Variants in MYBBP1A observed in about 807,000 individuals in gnomAD.
MYBBP1A encodes MYB binding protein 1a.
MYBBP1A carries 147 observed loss-of-function variants against 136.3 expected under a neutral mutation model. That is an observed-to-expected ratio of 1.08 (90% CI 0.94 to 1.24). The LOEUF is 1.24. MYBBP1A is among the 50% of genes most tolerant of loss of function. The pLI, the probability that MYBBP1A is intolerant of heterozygous loss-of-function variation, is 0.00. For synonymous variants in MYBBP1A, 947 were observed against 735.8 expected, an observed-to-expected ratio of 1.29 and a Z score of -4.65; for missense variants, 2,060 against 1,727.4, an observed-to-expected ratio of 1.19 and a Z score of -3.41.
Position 4,552,694 on chromosome 17 carries a change from T to C in MYBBP1A, c.562-68A>G. ...TGAGCCTGGTGGATCCTGTTCTACC[T>C]GCTCCTGACACGGGGCCACCTGGTG... is the stretch of plus-strand genomic sequence containing the variant. On this transcript the variant is annotated intron_variant, in intron 5 of 25. Coordinates refer to ENST00000254718, the MANE Select transcript of MYBBP1A (RefSeq NM_014520.4). The surrounding 1 kb of genome is among the most constrained non-coding windows in gnomAD (Gnocchi z 4.7). 6.8e-7 allele frequency: 1 copy of C among 1,473,350 alleles called. No homozygotes were observed. The highest frequency in any genetic ancestry group is 9.3e-7 in the Non-Finnish European group (1 of 1,078,832). The allele number at this position is 1,473,350 out of a possible 1,614,324, so 91.3% of individuals were successfully genotyped here. A position where few individuals can be genotyped will look rare whatever the true frequency, so the allele number is the denominator to read the frequency against.
intron 13 of MYBBP1A, 35 bp from the exon 14 acceptor site, chr17:4,545,977 C>T (rs779813964): frequency 1.9e-6 from 3 of 1,584,546 alleles, no homozygotes; most frequent in Non-Finnish European, 2.6e-6. Flanking sequence ...TGGGGCCAGG[C>T]CCTGTCCCCA....
chr17:4,548,869 C>T lies in MYBBP1A; in HGVS notation c.1431-220G>A, dbSNP rs577224205. Reference sequence around the variant, plus strand: ...TCTCTGCTCTGGATCCCCAGCTGAACGCGGGTTAACCCGAGCTAGAGAGAG... The same window carrying T: ...TCTCTGCTCTGGATCCCCAGCTGAATGCGGGTTAACCCGAGCTAGAGAGAG... On this transcript the variant is annotated intron_variant, in intron 10 of 25. Transcript: ENST00000254718. The surrounding 1 kb of genome is among the most constrained non-coding windows in gnomAD (Gnocchi z 4.2). Among the ~76,000 whole-genome samples the T allele has an allele frequency of 6.6e-5, 10 of 152,340 alleles. No individual in the cohort carries two copies. Among genetic ancestry groups the T allele is most frequent in the Admixed American group, 2.6e-4 (4 of 15,300 alleles).
chr17:4,554,812 C>T (rs758273213), intron 2 of MYBBP1A, 49 bp downstream of exon 2: 8 of 1,574,974 alleles, frequency 5.1e-6, no homozygotes, highest in East Asian at 2.2e-5. Flanking sequence ...CCTCATACCC[C>T]ACCATTTTGA....
chr17:4,539,520 C>G lies in MYBBP1A; in HGVS notation c.3882G>C (p.Ala1294=). The G allele has an allele frequency of 6.2e-7, 1 of 1,614,096 alleles. No homozygotes were observed. Among genetic ancestry groups the G allele is most frequent in the Non-Finnish European group, 8.5e-7 (1 of 1,180,022 alleles). ...ACAGCCTTGCCTTTTTCCGTGCCAG[C>G]GCGGACAGTGGTGATTTGCCCAAGA... The part of the protein sequence containing the change: ...KGVLGKSPLS[A]LARKKARLSL... The change falls in exon 26 of 26, where the codon GCG becomes GCC. Residue 1294 remains alanine (A), a synonymous_variant. Coordinates refer to ENST00000254718, the MANE Select transcript of MYBBP1A (RefSeq NM_014520.4).
chr17:4,547,895 G>T, intron 13 of MYBBP1A, 63 bp downstream of exon 13: 1 of 1,336,140 alleles, frequency 7.5e-7, no homozygotes, highest in Non-Finnish European at 9.9e-7. Context: ...AAGCCTCTCG[G>T]TAGGGGGCCC....
chr17:4,553,854 A>G lies in MYBBP1A; in HGVS notation c.517T>C (p.Leu173=). Residue 173 remains leucine (L), a synonymous_variant, in exon 5 of 26, where the codon TTG becomes CTG. Coordinates refer to ENST00000254718, the MANE Select transcript of MYBBP1A (RefSeq NM_014520.4). The stretch of plus-strand genomic sequence containing the variant: ...AGGGCCTTCCGGGGCTGCTCCTGCA[A>G]GTGGTTTTGGTACTGGGCCAGGGCC... ...LQALAQYQNH[L]QEQPRKALVD... 1 of 1,613,984 alleles carries G rather than the reference A, an allele frequency of 6.2e-7. No homozygotes were observed. Among genetic ancestry groups the G allele is most frequent in the South Asian group, 1.1e-5 (1 of 91,084 alleles).
chr17:4,547,823 C>T (rs1472346581), intron 13 of MYBBP1A, 135 bp downstream of exon 13: 2 of 726,646 alleles, frequency 2.8e-6, no homozygotes, highest in Non-Finnish European at 4.2e-6. Flanking sequence ...ACAAAGTTGG[C>T]TTCAAAAACC....
At chr17:4,542,777 A>C in intron 20 of MYBBP1A, 36 bp from the exon 21 acceptor site, 2 of 1,608,290 alleles carry the variant, frequency 1.2e-6, no homozygotes, top group Admixed American at 3.3e-5. Flanking sequence ...TGAGGCCAGG[A>C]GAGGGGTCCC....
chr17:4,555,215 T>A lies in MYBBP1A; in HGVS notation c.110A>T (p.Asp37Val). 1 of 1,611,526 alleles carries A rather than the reference T, an allele frequency of 6.2e-7. No individual in the cohort carries two copies. Among genetic ancestry groups the A allele is most frequent in the Non-Finnish European group, 8.5e-7 (1 of 1,179,318 alleles). Residue 37 changes from aspartate to valine, a missense_variant, in exon 1 of 26, where the codon GAC becomes GTC. Physicochemically the swap from Asp to Val is radical, Grantham distance 152. Coordinates refer to ENST00000254718, the MANE Select transcript of MYBBP1A (RefSeq NM_014520.4). Reference sequence around the variant, plus strand: ...AGGCTTCGCAATGTCCCAGAAGAAGTCCAAGAACTCGCGACTGTGCTTCAA... The same window carrying A: ...AGGCTTCGCAATGTCCCAGAAGAAGACCAAGAACTCGCGACTGTGCTTCAA... Reference protein sequence around the residue: ...GLLKHSREFLDFFWDIAKPEQ... With the variant: ...GLLKHSREFLVFFWDIAKPEQ...
In MYBBP1A at chr17:4,544,560, G is replaced by C. The variant is rs1437833487; in HGVS notation, c.2568C>G (p.Ile856Met). ...AGCTGCTGCTGCGCAGGCTGCGCCG[G>C]ATGATGCTCAGCAGCGGCTCCAGCA... is the stretch of plus-strand genomic sequence containing the variant. ...LELLEPLLSI[I>M]RRSLRSSSSK... is the part of the protein sequence containing the mutation. The change falls in exon 19 of 26, where the codon ATC becomes ATG. Residue 856 changes from isoleucine (I) to methionine (M), a missense_variant. Ile to Met is a conservative substitution (Grantham distance 10, BLOSUM62 1). Coordinates refer to ENST00000254718, the MANE Select transcript of MYBBP1A (RefSeq NM_014520.4). The C allele has an allele frequency of 6.4e-7, 1 of 1,567,860 alleles. No individual in the cohort carries two copies. The highest frequency in any genetic ancestry group is 8.6e-7 in the Non-Finnish European group (1 of 1,156,854).
In MYBBP1A at chr17:4,547,572, G is replaced by A. The variant is rs572150400; in HGVS notation, c.1824+386C>T. 1.1e-3 allele frequency: 218 copies of A among 192,566 alleles called. 1 individual carries two copies. The highest frequency in any genetic ancestry group is 4.0e-3 in the African/African-American group (171 of 43,022). 11.9% of individuals were successfully genotyped at this position (192,566 alleles called of 1,614,324 possible). On this transcript the variant is annotated intron_variant, in intron 13 of 25. Transcript: ENST00000254718. ...AACTCAAAAGAAATCAGGGTACTGA[G>A]CCTCGAATGTGGTCAGGGCTTCTTG...
At position 4,550,137 on chromosome 17, in the gene MYBBP1A, A is replaced by T. The variant is rs759289793; in HGVS notation, c.1240T>A (p.Phe414Ile). ...AAGGAGTCCAGGTCTGGCTGGAGAA[A>T]CATGGCCCGCAGCCAGGCCACATAG... Reference protein sequence around the residue: ...QGYVAWLRAMFLQPDLDSLVD... With the variant: ...QGYVAWLRAMILQPDLDSLVD... The change falls in exon 9 of 26, where the codon TTT (phenylalanine) becomes ATT (isoleucine). Residue 414 changes from phenylalanine (F) to isoleucine (I), a missense_variant. Physicochemically the swap from Phe to Ile is conservative, Grantham distance 21. Transcript: ENST00000254718. The T allele has an allele frequency of 8.1e-6, 13 of 1,613,866 alleles. No individual in the cohort carries two copies. Among genetic ancestry groups the T allele is most frequent in the Non-Finnish European group, 2.5e-6 (3 of 1,180,036 alleles).
rs574880626 is a variant in MYBBP1A, at chr17:4,551,242, C to CAGTT, written c.1023+637_1023+638insAACT. ...CAAAGATAAAATGAGCTGGTGAGAA[C>CAGTT]AGTCAACCCAGCAGCACTTACTGGG... On this transcript the variant is annotated intron_variant, in intron 8 of 25. Transcript: ENST00000254718. 2.4e-4 allele frequency among the ~76,000 whole-genome samples: 37 copies of CAGTT among 152,376 alleles called. No individual in the cohort carries two copies. The East Asian group carries it at 6.9e-3, about 29-fold the overall frequency.
chr17:4,541,591 A>G (rs1326523162), intron 23 of MYBBP1A, 27 bp from the exon 24 acceptor site: 1 of 1,601,726 alleles, frequency 6.2e-7, no homozygotes, highest in African/African-American at 1.3e-5. Flanking sequence ...AGGCTGAGGC[A>G]CTCCGGAGAG....
At chr17:4,541,197 C>T (rs879389863) in intron 24 of MYBBP1A, among the ~76,000 whole-genome samples, 15 of 152,272 alleles carry the variant, frequency 9.9e-5, no homozygotes, top group African/African-American at 1.4e-4. Context: ...GGCTTTCTCA[C>T]GGGATGTGGC....
intron 13 of MYBBP1A, 52 bp downstream of exon 13, chr17:4,547,906 A>G: frequency 2.2e-6 from 3 of 1,381,284 alleles, no homozygotes; most frequent in Non-Finnish European, 2.9e-6. Flanking sequence ...TAGGGGGCCC[A>G]TTGTGCCATA....
At chr17:4,542,291 G>A in intron 22 of MYBBP1A, 173 bp downstream of exon 22, 1 of 731,136 alleles carries the variant, frequency 1.4e-6, no homozygotes, top group Non-Finnish European at 2.2e-6. Context: ...CAGGGGCCAG[G>A]GCACGGCCAC....
chr17:4,553,696 A>T (rs1039520810), intron 5 of MYBBP1A, 114 bp downstream of exon 5: 10 of 766,602 alleles, frequency 1.3e-5, no homozygotes, highest in Non-Finnish European at 2.1e-5. Flanking sequence ...AACGCTTCAA[A>T]TTATACATCT....
Position 4,540,434 on chromosome 17 carries a change from C to T in MYBBP1A, c.3348G>A (p.Gln1116=), listed in dbSNP as rs745382517. 1 of 1,611,094 alleles carries T rather than the reference C, an allele frequency of 6.2e-7. No individual in the cohort carries two copies. The highest frequency in any genetic ancestry group is 8.5e-7 in the Non-Finnish European group (1 of 1,179,714). Residue 1116 remains glutamine, a synonymous_variant, in exon 25 of 26, where the codon CAG becomes CAA. Coordinates refer to ENST00000254718, the MANE Select transcript of MYBBP1A (RefSeq NM_014520.4). The part of the protein sequence containing the change: ...TVLLGVLQGQ[Q]QSLQQGAHST... ...AGTGTGCCCCCTGCTGTAGGCTCTG[C>T]TGTTGCCCCTGCAGCACACCCAGGA...
Sources: gnomAD v4.1 joint callset for allele counts (sites outside exome capture counted in the v4.1 genomes callset) on GRCh38, gnomAD v4.1.1 for gene constraint, Gnocchi (gnomAD v3.1) non-coding constraint, MANE v1.5 for transcripts, NCBI Gene and HGNC (gene_info 2026-07-23, HGNC 2026-07-21) for gene names.